The following LRRTM3 variants were observed in gnomAD, a reference collection of about 807,000 sequenced individuals.
The protein encoded by LRRTM3 is leucine-rich repeat transmembrane neuronal protein 3.
LRRTM3 carries 24 observed loss-of-function variants against 44.7 expected under a neutral mutation model. The ratio of observed to expected loss-of-function variants is 0.54; its 90% CI spans 0.39 to 0.76. The LOEUF is 0.76. Among genes scored for constraint, LRRTM3 ranks in the 30% least tolerant of loss-of-function variants. The probability of loss-of-function intolerance (pLI) is 0.00; values close to 1 mark genes in which losing one functional copy is unlikely to be tolerated. For synonymous variants in LRRTM3, 277 were observed against 278.7 expected (o/e 0.99, Z 0.06); for missense variants, 587 against 702.2 (o/e 0.84, Z 1.85).
At chr10:66,967,125 A>G (rs1849467437) in intron 2 of LRRTM3, among the ~76,000 whole-genome samples, 2 of 152,034 alleles carry the variant, frequency 1.3e-5, no homozygotes, top group South Asian at 4.1e-4. Context: ...TGCTAATGAA[A>G]CAATGGTTAT....
intron 2 of LRRTM3, among the ~76,000 whole-genome samples, chr10:67,059,166 T>C (rs1855611442): frequency 6.6e-6 from 1 of 152,134 alleles, no homozygotes; most frequent in Non-Finnish European, 1.5e-5. Context: ...AGTAACAAGG[T>C]AACATAACAT....
At chr10:67,036,528 G>A (rs915583341) in intron 2 of LRRTM3, among the ~76,000 whole-genome samples, 1 of 152,044 alleles carries the variant, frequency 6.6e-6, no homozygotes, top group African/African-American at 2.4e-5. Context: ...GCCGGGCGTG[G>A]TGGCAGCTTT....
At chr10:66,954,850 T>C (rs1345271189) in intron 2 of LRRTM3, among the ~76,000 whole-genome samples, 5 of 152,132 alleles carry the variant, frequency 3.3e-5, no homozygotes, top group African/African-American at 1.2e-4. Context: ...GTAGAGAAAT[T>C]ACTGGACTAG....
intron 2 of LRRTM3, among the ~76,000 whole-genome samples, chr10:67,060,501 T>C (rs1410872220): frequency 2.0e-5 from 3 of 152,188 alleles, no homozygotes; most frequent in African/African-American, 7.2e-5. Flanking sequence ...CATCAAATAT[T>C]CCAGTTAGTT....
chr10:67,005,682 C>CTTTTTTTTTTTTTTG (rs1851928523), intron 2 of LRRTM3, among the ~76,000 whole-genome samples: 1 of 61,976 alleles, frequency 1.6e-5, no homozygotes, highest in Non-Finnish European at 2.9e-5. Flanking sequence ...TTTACTCCAT[C>CTTTTTTTTTTTTTTG]TTTTTTTTTT....
intron 2 of LRRTM3, among the ~76,000 whole-genome samples, chr10:67,086,915 T>G (rs892729343): frequency 2.0e-5 from 3 of 151,884 alleles, no homozygotes; most frequent in Admixed American, 6.6e-5. Flanking sequence ...TATAAGACCC[T>G]CCAGTGGACT....
At chr10:66,953,477 T>C (rs763019048) in intron 2 of LRRTM3, among the ~76,000 whole-genome samples, 2 of 152,174 alleles carry the variant, frequency 1.3e-5, no homozygotes, top group Non-Finnish European at 2.9e-5. Flanking sequence ...TTTTCTGTAC[T>C]TTCCCAACAA....
chr10:67,011,051 C>T (rs1044557319), intron 2 of LRRTM3, among the ~76,000 whole-genome samples: 2 of 151,920 alleles, frequency 1.3e-5, no homozygotes, highest in African/African-American at 4.8e-5. Context: ...CAATATAGGC[C>T]AGGCGCGGTG....
rs184065651 is a variant in LRRTM3 at position 66,945,843 on chromosome 10, A to G, written c.1536+17391A>G. The stretch of plus-strand genomic sequence containing the variant: ...CTCAGGGAATAGGGAGGCCCACAGT[A>G]AGGGAGGGAAATAGAGAATGGCTGG... On this transcript the variant is annotated intron_variant, in intron 2 of 2. Coordinates refer to ENST00000361320, the MANE Select transcript of LRRTM3 (RefSeq NM_178011.5). Among the ~76,000 whole-genome samples the G allele has an allele frequency of 2.2e-4, 33 of 152,232 alleles. No individual in the cohort carries two copies. In the East Asian group the frequency reaches 6.4e-3, roughly 29 times the overall value.
rs541112064 is a variant in LRRTM3 at position 66,949,986 on chromosome 10, C to A, written c.1536+21534C>A. 1.4e-4 allele frequency among the ~76,000 whole-genome samples: 22 copies of A among 152,290 alleles called. No homozygotes were observed. In the South Asian group the frequency reaches 4.6e-3, roughly 32 times the overall value. On this transcript the variant is annotated intron_variant, in intron 2 of 2. Coordinates refer to ENST00000361320, the MANE Select transcript of LRRTM3 (RefSeq NM_178011.5). Reference sequence around the variant, plus strand: ...AGAAAGTTCTAACATCTCCCCATGACTTAACACAATCTGGGCTCAACCTAG... The same window carrying A: ...AGAAAGTTCTAACATCTCCCCATGAATTAACACAATCTGGGCTCAACCTAG...
chr10:66,975,354 C>T (rs764935529), intron 2 of LRRTM3, among the ~76,000 whole-genome samples: 4 of 152,086 alleles, frequency 2.6e-5, no homozygotes, highest in Non-Finnish European at 4.4e-5. Context: ...AAAGCAGATG[C>T]CTAAGCATTG....
chr10:67,035,667 G>A (rs939443252), intron 2 of LRRTM3, among the ~76,000 whole-genome samples: 1 of 152,030 alleles, frequency 6.6e-6, no homozygotes, highest in East Asian at 1.9e-4. Context: ...ACCTCCCTCA[G>A]TACTCAAAAT....
At chr10:67,013,369 G>T (rs573014950) in intron 2 of LRRTM3, among the ~76,000 whole-genome samples, 1 of 151,982 alleles carries the variant, frequency 6.6e-6, no homozygotes, top group Non-Finnish European at 1.5e-5. Flanking sequence ...TCCTTTATTA[G>T]GATTTGTTAA....
In LRRTM3 at chr10:66,926,952, A is replaced by C. The variant is rs770877473; in HGVS notation, c.36A>C (p.Ser12=). 6.9e-6 allele frequency: 11 copies of C among 1,605,518 alleles called. No homozygotes were observed. The African/African-American group carries it at 1.5e-4, about 22-fold the overall frequency. The change falls in exon 2 of 3, where the codon TCA becomes TCC. Residue 12 remains serine, a synonymous_variant. Transcript: ENST00000361320. ...ATGTAATTAGGCTACTGAGCGGATC[A>C]GCTGTAGCACTGGTTATAGCCCCCA... ...GFNVIRLLSG[S]AVALVIAPTV...
chr10:66,949,780 C>T (rs1848443924), intron 2 of LRRTM3, among the ~76,000 whole-genome samples: 1 of 152,096 alleles, frequency 6.6e-6, no homozygotes, highest in Non-Finnish European at 1.5e-5. Flanking sequence ...TTTCACAGGG[C>T]TTGTGTTCCC....
chr10:66,992,242 T>C (rs942538248), intron 2 of LRRTM3, among the ~76,000 whole-genome samples: 17 of 152,320 alleles, frequency 1.1e-4, no homozygotes, highest in African/African-American at 4.1e-4. Flanking sequence ...ATTATTGATT[T>C]AATTTTTATT....
chr10:67,024,040 C>T lies in LRRTM3; in HGVS notation c.1537-73547C>T, dbSNP rs996851143. 3.0e-4 allele frequency among the ~76,000 whole-genome samples: 46 copies of T among 152,314 alleles called. 1 individual carries two copies. Among genetic ancestry groups the T allele is most frequent in the African/African-American group, 9.9e-4 (41 of 41,576 alleles). ...ACAAATTTAGTGGTTTAAAACAACA[C>T]AAGTTTATTATCTTCCGGAGGACAG... On this transcript the variant is annotated intron_variant, in intron 2 of 2. Coordinates refer to ENST00000361320, the MANE Select transcript of LRRTM3 (RefSeq NM_178011.5).
intron 2 of LRRTM3, among the ~76,000 whole-genome samples, chr10:67,026,134 G>T (rs1223262930): frequency 6.6e-6 from 1 of 150,548 alleles, no homozygotes; most frequent in Non-Finnish European, 1.5e-5. Flanking sequence ...GGGAGGGATA[G>T]CATTAGGAGA....
intron 2 of LRRTM3, among the ~76,000 whole-genome samples, chr10:67,007,099 A>T (rs1188207690): frequency 6.6e-6 from 1 of 152,120 alleles, no homozygotes; most frequent in Non-Finnish European, 1.5e-5. Context: ...CCCAGCTTAC[A>T]GTCTTAAAAA....
Sources: allele counts gnomAD v4.1 joint callset (sites outside exome capture counted in the v4.1 genomes callset), GRCh38; gene constraint gnomAD v4.1.1; transcripts MANE v1.5; gene names NCBI Gene and HGNC (gene_info 2026-07-23, HGNC 2026-07-21).